The following BTBD9 variants were observed in gnomAD, a reference collection of about 807,000 sequenced individuals.
BTBD9 encodes the protein BTB/POZ domain-containing protein 9.
BTBD9 carries 49 observed loss-of-function variants against 64.3 expected under a neutral mutation model. The ratio of observed to expected loss-of-function variants is 0.76; its 90% confidence interval spans 0.61 to 0.97. The LOEUF is 0.97. Ranked by LOEUF, BTBD9 falls within the 50% of genes least tolerant of loss-of-function variation. The pLI, the probability that BTBD9 is intolerant of heterozygous loss-of-function variation, is 0.00. For synonymous variants in BTBD9, 260 were observed against 274.7 expected (o/e 0.95, Z 0.53); for missense variants, 598 against 762.1 (o/e 0.78, Z 2.53).
At chr6:38,626,888 G>C (rs1257211412) in intron 1 of BTBD9, among the ~76,000 whole-genome samples, 6 of 152,140 alleles carry the variant, frequency 3.9e-5, no homozygotes, top group African/African-American at 1.4e-4. Context: ...CGCCTTGAGA[G>C]AATTAACCTT....
intron 10 of BTBD9, chr6:38,179,992 G>A (rs1287928203): frequency 1.0e-5 from 4 of 385,158 alleles, no homozygotes; most frequent in African/African-American, 4.2e-5. Flanking sequence ...ATTCACTCTG[G>A]TCACCCCTCT....
At chr6:38,304,537 C>A (rs57012325) in intron 7 of BTBD9, among the ~76,000 whole-genome samples, 1 of 151,146 alleles carries the variant, frequency 6.6e-6, no homozygotes, top group African/African-American at 2.4e-5. Flanking sequence ...CAAAGCAAGG[C>A]TCCGTCTCAA....
intron 9 of BTBD9, among the ~76,000 whole-genome samples, chr6:38,233,079 T>C (rs1274597759): frequency 2.0e-5 from 3 of 152,226 alleles, no homozygotes; most frequent in African/African-American, 7.2e-5. Flanking sequence ...ATCTTCAGGA[T>C]AGTGAGCAAG....
intron 9 of BTBD9, among the ~76,000 whole-genome samples, chr6:38,252,192 T>C (rs1251308402): frequency 1.3e-5 from 2 of 152,186 alleles, no homozygotes; most frequent in Admixed American, 1.3e-4. Context: ...CAAAAATCTA[T>C]GTTTTGATTT....
intron 6 of BTBD9, among the ~76,000 whole-genome samples, chr6:38,465,340 G>A (rs1038734679): frequency 4.6e-5 from 7 of 150,998 alleles, no homozygotes; most frequent in East Asian, 2.0e-4. Flanking sequence ...TACTCAGGCC[G>A]GGTGCGGTGG....
In BTBD9 at chr6:38,361,692, T is replaced by G. The variant is rs188900030; in HGVS notation, c.1155-16599A>C. Among the ~76,000 whole-genome samples the G allele has an allele frequency of 2.5e-3, 379 of 151,662 alleles. 1 individual carries two copies. Among genetic ancestry groups the G allele is most frequent in the Non-Finnish European group, 4.4e-3 (297 of 67,878 alleles). ...CCCGTTTCTACTAAAAATACAAAAT[T>G]AGGCAGGCGTGGTGGTGCAGGCCTG... On this transcript the variant is annotated intron_variant, in intron 6 of 10. Transcript: ENST00000481247.
rs76433450 is a variant in BTBD9, at chr6:38,427,991, T to C, written c.1155-82898A>G. 7.4e-4 allele frequency among the ~76,000 whole-genome samples: 112 copies of C among 152,070 alleles called. 1 individual carries two copies. Among genetic ancestry groups the C allele is most frequent in the African/African-American group, 2.4e-3 (98 of 41,312 alleles). The stretch of plus-strand genomic sequence containing the variant: ...ACTAGAAGTGTTAATGTTCAACATT[T>C]GCATAAGTCAAGGTACTTTTCTATA... On this transcript the variant is annotated intron_variant, in intron 6 of 10. Transcript: ENST00000481247.
intron 9 of BTBD9, among the ~76,000 whole-genome samples, chr6:38,251,795 G>A (rs1204377331): frequency 6.6e-6 from 1 of 151,638 alleles, no homozygotes; most frequent in Non-Finnish European, 1.5e-5. Flanking sequence ...GGGAGACTGA[G>A]GCCGGAGAAT....
intron 7 of BTBD9, among the ~76,000 whole-genome samples, chr6:38,326,264 TG>T (rs1763423755): frequency 6.6e-6 from 1 of 152,008 alleles, no homozygotes; most frequent in African/African-American, 2.4e-5. Flanking sequence ...ATTTTTGAAA[TG>T]GAAAGGCCTG....
chr6:38,626,806 G>A (rs949619870), intron 1 of BTBD9, among the ~76,000 whole-genome samples: 1 of 152,166 alleles, frequency 6.6e-6, no homozygotes, highest in African/African-American at 2.4e-5. Context: ...GTAAACAAGT[G>A]AGGAATTAAA....
At chr6:38,329,314 CTTTTTTTCCTTT>C (rs1402008384) in intron 7 of BTBD9, among the ~76,000 whole-genome samples, 1 of 146,178 alleles carries the variant, frequency 6.8e-6, no homozygotes, top group Non-Finnish European at 1.5e-5. Flanking sequence ...TTTTAAAGAC[CTTTTTTTCCTTT>C]TTTTTTTTTT....
intron 6 of BTBD9, among the ~76,000 whole-genome samples, chr6:38,410,812 G>C (rs1246805085): frequency 1.3e-5 from 2 of 152,152 alleles, no homozygotes; most frequent in Non-Finnish European, 2.9e-5. Context: ...AGGATCACTT[G>C]AGCCTGGGAG....
At chr6:38,512,983 T>C (rs1386733078) in intron 6 of BTBD9, among the ~76,000 whole-genome samples, 2 of 152,142 alleles carry the variant, frequency 1.3e-5, no homozygotes, top group African/African-American at 4.8e-5. Flanking sequence ...TGCTAACAAG[T>C]ACAGAGGTTC....
At chr6:38,550,979 C>G (rs1007719950) in intron 6 of BTBD9, among the ~76,000 whole-genome samples, 1 of 152,180 alleles carries the variant, frequency 6.6e-6, no homozygotes, top group Non-Finnish European at 1.5e-5. Context: ...CATACCAGAG[C>G]CAGTTGCTGT....
chr6:38,466,494 T>G lies in BTBD9; in HGVS notation c.1154+111106A>C, dbSNP rs535991361. Among the ~76,000 whole-genome samples, 256 of 152,148 alleles carry G rather than the reference T, an allele frequency of 1.7e-3. 2 individuals carry two copies. Among genetic ancestry groups the G allele is most frequent in the Middle Eastern group, 0.01 (3 of 294 alleles). On this transcript the variant is annotated intron_variant, in intron 6 of 10. Transcript: ENST00000481247. ...TTTTAGTAGAGACGGGGTTTCACCTTGTTGGCCAGGCTGGTCTCAAACTCC... is the reference window on the plus strand; with the variant it reads ...TTTTAGTAGAGACGGGGTTTCACCTGGTTGGCCAGGCTGGTCTCAAACTCC...
chr6:38,226,163 G>C (rs1763386059), intron 9 of BTBD9, among the ~76,000 whole-genome samples: 1 of 152,190 alleles, frequency 6.6e-6, no homozygotes, highest in Non-Finnish European at 1.5e-5. Context: ...AGTTAGGCTT[G>C]TTCAGGTTAC....
intron 6 of BTBD9, among the ~76,000 whole-genome samples, chr6:38,563,266 T>G (rs952047633): frequency 6.6e-6 from 1 of 152,242 alleles, no homozygotes; most frequent in African/African-American, 2.4e-5. Context: ...CTCTTAAGTT[T>G]CTATTTCTAG....
chr6:38,358,025 T>TTCTC lies in BTBD9; in HGVS notation c.1155-12936_1155-12933dup, dbSNP rs914028967. ...TAATTTTGTTAGCCGGTCTCTCTCT[T>TTCTC]TCTCTCTCTCTCTCTAAAAGAAAGA... On this transcript the variant is annotated intron_variant, in intron 6 of 10. Coordinates refer to ENST00000481247, the MANE Select transcript of BTBD9 (RefSeq NM_001099272.2). Among the ~76,000 whole-genome samples, 6 of 151,716 alleles carry TTCTC rather than the reference T, an allele frequency of 4.0e-5. No homozygotes were observed. The East Asian group carries it at 1.2e-3, about 29-fold the overall frequency.
intron 7 of BTBD9, among the ~76,000 whole-genome samples, chr6:38,313,328 G>A (rs1261846532): frequency 6.6e-6 from 1 of 152,074 alleles, no homozygotes; most frequent in African/African-American, 2.4e-5. Context: ...TTCAAACAAG[G>A]GTAATTTGAC....
Sources: gnomAD v4.1 joint callset for allele counts (sites outside exome capture counted in the v4.1 genomes callset) on GRCh38, gnomAD v4.1.1 for gene constraint, MANE v1.5 for transcripts, NCBI Gene and HGNC (gene_info 2026-07-23, HGNC 2026-07-21) for gene names.